The following PRKD1 variants were observed in gnomAD, a reference collection of about 807,000 sequenced individuals.
PRKD1 encodes the protein protein kinase D1.
Under a neutral mutation model 95.9 loss-of-function variants are expected in PRKD1, and 63 were observed. The observed-to-expected ratio is 0.66, with a 90% CI of 0.54 to 0.81. PRKD1 has a LOEUF of 0.81. Among genes scored for constraint, PRKD1 ranks in the 30% least tolerant of loss-of-function variants. The probability of loss-of-function intolerance (pLI) is 0.00; values close to 1 mark genes in which losing one functional copy is unlikely to be tolerated. For missense variants in PRKD1, 1,048 were observed against 1,165.3 expected, an observed-to-expected ratio of 0.90 and a Z score of 1.47; for synonymous variants, 425 against 423.1, an observed-to-expected ratio of 1.00 and a Z score of -0.05.
intron 12 of PRKD1, among the ~76,000 whole-genome samples, chr14:29,624,790 C>A (rs988039103): frequency 6.6e-6 from 1 of 151,972 alleles, no homozygotes; most frequent in Non-Finnish European, 1.5e-5. Flanking sequence ...TACAAAATAC[C>A]CTGGTAACTA....
intron 9 of PRKD1, 129 bp downstream of exon 9, chr14:29,632,740 A>C: frequency 1.3e-6 from 1 of 793,768 alleles, no homozygotes; most frequent in Non-Finnish European, 2.0e-6. Flanking sequence ...AGAAGAAAAA[A>C]AAAATAGTTC....
In PRKD1 at chr14:29,927,523, G is replaced by T; in HGVS notation, c.-11C>A. The T allele has an allele frequency of 1.7e-6, 2 of 1,173,974 alleles. No homozygotes were observed. The highest frequency in any genetic ancestry group is 3.9e-5 in the East Asian group (1 of 25,670). 72.7% of individuals were successfully genotyped at this position (1,173,974 alleles called of 1,614,324 possible). A position where few individuals can be genotyped will look rare whatever the true frequency, so the allele number is the denominator to read the frequency against. The stretch of plus-strand genomic sequence containing the variant: ...CGGAGGGGCGCTCATCGCTCGGCGG[G>T]GCGCAGGGCCGGGCAGCGGAGGGCG... On this transcript the variant is annotated 5_prime_UTR_variant, in exon 1 of 18. Coordinates refer to ENST00000331968, the MANE Select transcript of PRKD1 (RefSeq NM_002742.3).
At chr14:29,724,997 G>A (rs1489006558) in intron 2 of PRKD1, among the ~76,000 whole-genome samples, 3 of 152,148 alleles carry the variant, frequency 2.0e-5, no homozygotes, top group African/African-American at 7.2e-5. Context: ...AGAGGCAAAT[G>A]TAGCCATTTC....
chr14:29,919,826 C>G (rs574598065), intron 1 of PRKD1, among the ~76,000 whole-genome samples: 1 of 152,070 alleles, frequency 6.6e-6, no homozygotes, highest in South Asian at 2.1e-4. Context: ...ATCATCCAGG[C>G]GTGGTGGCAC....
intron 9 of PRKD1, among the ~76,000 whole-genome samples, chr14:29,632,472 G>A (rs563446954): frequency 6.6e-6 from 1 of 152,168 alleles, no homozygotes; most frequent in East Asian, 1.9e-4. Context: ...TGACAAGCAT[G>A]GAGAAATCAT....
chr14:29,606,780 C>T (rs1878007571), intron 13 of PRKD1, among the ~76,000 whole-genome samples: 1 of 152,130 alleles, frequency 6.6e-6, no homozygotes, highest in African/African-American at 2.4e-5. Flanking sequence ...GACCACTGTA[C>T]CTCTTTTACT....
chr14:29,762,447 T>C (rs1203926442), intron 1 of PRKD1, among the ~76,000 whole-genome samples: 1 of 152,090 alleles, frequency 6.6e-6, no homozygotes, highest in Non-Finnish European at 1.5e-5. Context: ...CCCCCTGGAA[T>C]TCTCAACTTA....
intron 4 of PRKD1, among the ~76,000 whole-genome samples, chr14:29,658,950 T>A (rs900004251): frequency 2.0e-5 from 3 of 152,240 alleles, no homozygotes; most frequent in Admixed American, 6.5e-5. Context: ...TTGAAGAATC[T>A]CAATGGCTTT....
At chr14:29,620,604 T>C (rs943024091) in intron 13 of PRKD1, among the ~76,000 whole-genome samples, 3 of 149,614 alleles carry the variant, frequency 2.0e-5, no homozygotes, top group African/African-American at 7.4e-5. Context: ...ATCAGAGAAA[T>C]GCAAATCAAA....
chr14:29,754,101 T>G (rs1378527995), intron 1 of PRKD1, among the ~76,000 whole-genome samples: 1 of 152,176 alleles, frequency 6.6e-6, no homozygotes, highest in African/African-American at 2.4e-5. Flanking sequence ...ATTACCCAAC[T>G]TTTCCAACTT....
chr14:29,706,558 T>C (rs1002082211), intron 2 of PRKD1, among the ~76,000 whole-genome samples: 2 of 152,162 alleles, frequency 1.3e-5, no homozygotes, highest in African/African-American at 2.4e-5. Flanking sequence ...CGTGAAAGTT[T>C]AATATATTCA....
Position 29,710,123 on chromosome 14 carries a change from T to C in PRKD1, c.403+15413A>G, listed in dbSNP as rs139870906. ...AGTAAAAAATAATAAAGACCTAAAA[T>C]TGGGTTTTGAATAAGTAAATGGAGA... is the stretch of plus-strand genomic sequence containing the variant. On this transcript the variant is annotated intron_variant, in intron 2 of 17. Transcript: ENST00000331968. Among the ~76,000 whole-genome samples, 7 of 152,196 alleles carry C rather than the reference T, an allele frequency of 4.6e-5. No individual in the cohort carries two copies. The East Asian group carries it at 1.4e-3, about 29-fold the overall frequency.
At chr14:29,632,785 A>C (rs1594379580) in intron 9 of PRKD1, 84 bp downstream of exon 9, 2 of 1,247,462 alleles carry the variant, frequency 1.6e-6, no homozygotes, top group South Asian at 1.3e-5. Context: ...CGTTTGTTGG[A>C]TGTATTTCCT....
intron 1 of PRKD1, among the ~76,000 whole-genome samples, chr14:29,835,625 C>G (rs1360350272): frequency 6.6e-6 from 1 of 152,054 alleles, no homozygotes; most frequent in Non-Finnish European, 1.5e-5. Flanking sequence ...GGCTGGAGTG[C>G]AGTGGCGCGA....
At chr14:29,888,128 C>A (rs1181149028) in intron 1 of PRKD1, among the ~76,000 whole-genome samples, 1 of 151,884 alleles carries the variant, frequency 6.6e-6, no homozygotes, top group African/African-American at 2.4e-5. Flanking sequence ...TAGGGAGAGC[C>A]CATCCCTACT....
At chr14:29,860,869 A>T (rs927366150) in intron 1 of PRKD1, among the ~76,000 whole-genome samples, 7 of 152,178 alleles carry the variant, frequency 4.6e-5, no homozygotes, top group Non-Finnish European at 8.8e-5. Context: ...ATTTGACTCC[A>T]GGAGCAACTG....
chr14:29,627,846 G>A (rs1879726817), intron 11 of PRKD1, among the ~76,000 whole-genome samples: 1 of 152,148 alleles, frequency 6.6e-6, no homozygotes, highest in South Asian at 2.1e-4. Flanking sequence ...GTTCAACGCT[G>A]TCTAGGGACA....
Position 29,763,350 on chromosome 14 carries a change from G to A in PRKD1, c.265-37676C>T, listed in dbSNP as rs1419625471. ...AAGAAGGAAGGAAGGAACGAAGCAA[G>A]GAAGGAAGGAAGGAAGGAGGGAAGG... On this transcript the variant is annotated intron_variant, in intron 1 of 17. Transcript: ENST00000331968. Among the ~76,000 whole-genome samples the A allele has an allele frequency of 8.5e-5, 8 of 94,312 alleles. No individual in the cohort carries two copies. The East Asian group carries it at 2.1e-3, about 24-fold the overall frequency. 61.9% of individuals were successfully genotyped at this position (94,312 alleles called of 152,430 possible). A position where few individuals can be genotyped will look rare whatever the true frequency, so the allele number is the denominator to read the frequency against.
chr14:29,710,553 A>T (rs955859703), intron 2 of PRKD1, among the ~76,000 whole-genome samples: 29 of 152,142 alleles, frequency 1.9e-4, no homozygotes, highest in African/African-American at 6.5e-4. Context: ...AAAGTCTGAG[A>T]AACCGTCACA....
Sources: allele counts gnomAD v4.1 joint callset (sites outside exome capture counted in the v4.1 genomes callset), GRCh38; gene constraint gnomAD v4.1.1; transcripts MANE v1.5; gene names NCBI Gene and HGNC (gene_info 2026-07-23, HGNC 2026-07-21).